SGCD: variants seen among roughly 807,000 people sequenced by gnomAD.
SGCD encodes the protein sarcoglycan delta, also known as delta-sarcoglycan.
Under a neutral mutation model 36.6 loss-of-function variants are expected in SGCD, and 18 were observed. That is an observed-to-expected ratio of 0.49 (90% CI 0.34 to 0.73). The LOEUF (loss-of-function observed/expected upper bound fraction) is 0.73. SGCD is among the 30% of genes least tolerant of loss of function. The probability of loss-of-function intolerance (pLI) is 0.01; values close to 1 mark genes in which losing one functional copy is unlikely to be tolerated. For synonymous variants in SGCD, 133 were observed against 130.6 expected (o/e 1.02, Z -0.12); for missense variants, 387 against 346.7 (o/e 1.12, Z -0.92).
chr5:156,239,836 T>C (rs1421301344), intron 3 of SGCD, among the ~76,000 whole-genome samples: 5 of 152,210 alleles, frequency 3.3e-5, no homozygotes, highest in Admixed American at 2.6e-4. Flanking sequence ...ACAAAATGTT[T>C]TGGACCTATA....
chr5:155,808,753 A>G, the SGCD span, among the ~76,000 whole-genome samples: 1 of 152,248 alleles, frequency 6.6e-6, no homozygotes, highest in African/African-American at 2.4e-5. Context: ...GTAGTGTTTA[A>G]AACAATGATG....
At chr5:155,815,688 A>G in the SGCD span, among the ~76,000 whole-genome samples, 1 of 152,124 alleles carries the variant, frequency 6.6e-6, no homozygotes, top group Non-Finnish European at 1.5e-5. Flanking sequence ...AGAGCAGGGG[A>G]AGGTGCCACA....
intron 3 of SGCD, among the ~76,000 whole-genome samples, chr5:156,164,321 A>G (rs767156750): frequency 6.8e-6 from 1 of 147,978 alleles, no homozygotes; most frequent in Non-Finnish European, 1.5e-5. Flanking sequence ...AAATTCTATC[A>G]ATTGATGGAC....
At chr5:155,873,948 T>C (rs1329739279) in intron 1 of SGCD, among the ~76,000 whole-genome samples, 1 of 152,170 alleles carries the variant, frequency 6.6e-6, no homozygotes, top group African/African-American at 2.4e-5. Flanking sequence ...TCAGCCAGGA[T>C]CAATTTTTAT....
the SGCD span, among the ~76,000 whole-genome samples, chr5:155,736,046 C>T: frequency 3.9e-5 from 6 of 152,294 alleles, no homozygotes; most frequent in South Asian, 2.1e-4. Flanking sequence ...CTTTCTACCC[C>T]TGGGATGCTT....
chr5:155,856,740 G>A, the SGCD span, among the ~76,000 whole-genome samples: 4 of 152,070 alleles, frequency 2.6e-5, no homozygotes, highest in African/African-American at 7.2e-5. Flanking sequence ...AAATAAGGAC[G>A]TAAAAGCATG....
chr5:156,595,200 C>T (rs1760879516), intron 6 of SGCD, 149 bp downstream of exon 6: 2 of 924,136 alleles, frequency 2.2e-6, no homozygotes, highest in African/African-American at 1.7e-5. Context: ...GAGGTGGAGC[C>T]TTGAGGGGTA....
intron 1 of SGCD, among the ~76,000 whole-genome samples, chr5:156,048,869 T>C (rs995905604): frequency 6.6e-6 from 1 of 152,120 alleles, no homozygotes; most frequent in African/African-American, 2.4e-5. Context: ...TTGCCATTGT[T>C]TTTGGTGTTT....
intron 3 of SGCD, among the ~76,000 whole-genome samples, chr5:156,434,646 A>C (rs1405163183): frequency 2.0e-5 from 3 of 152,312 alleles, no homozygotes; most frequent in African/African-American, 7.2e-5. Flanking sequence ...TTGGCCTGTC[A>C]CTGGGAATGT....
intron 7 of SGCD, among the ~76,000 whole-genome samples, chr5:156,745,948 G>A (rs1236885790): frequency 1.3e-5 from 2 of 151,048 alleles, no homozygotes; most frequent in African/African-American, 4.9e-5. Context: ...ACTAGGGCAA[G>A]AACAGTTTTC....
chr5:156,751,318 T>C (rs1324597270), intron 7 of SGCD, among the ~76,000 whole-genome samples: 1 of 152,150 alleles, frequency 6.6e-6, no homozygotes, highest in African/African-American at 2.4e-5. Context: ...CAAAAATTAA[T>C]ACCTGATGAA....
At chr5:156,518,479 C>G (rs915247442) in intron 4 of SGCD, among the ~76,000 whole-genome samples, 3 of 152,160 alleles carry the variant, frequency 2.0e-5, no homozygotes, top group Non-Finnish European at 2.9e-5. Context: ...AGCTCTGGAT[C>G]AAGTGGGCCT....
intron 7 of SGCD, among the ~76,000 whole-genome samples, chr5:156,720,950 G>C (rs192625416): frequency 1.0e-3 from 154 of 152,264 alleles, no homozygotes; most frequent in African/African-American, 3.6e-3. Context: ...TAGACATTTC[G>C]AAAAGTGCTT....
At chr5:156,225,690 T>C (rs1764836640) in intron 3 of SGCD, among the ~76,000 whole-genome samples, 1 of 152,206 alleles carries the variant, frequency 6.6e-6, no homozygotes, top group East Asian at 1.9e-4. Context: ...ATCAATAGTA[T>C]CCTTAAAATA....
chr5:156,004,670 T>C (rs892113575), intron 1 of SGCD, among the ~76,000 whole-genome samples: 5 of 152,208 alleles, frequency 3.3e-5, no homozygotes, highest in South Asian at 2.1e-4. Flanking sequence ...TTAAGCAAAG[T>C]TTGGCGCTGG....
At chr5:155,892,904 A>G (rs961296729) in intron 1 of SGCD, among the ~76,000 whole-genome samples, 3 of 152,216 alleles carry the variant, frequency 2.0e-5, no homozygotes, top group African/African-American at 4.8e-5. Flanking sequence ...AATCTAAAAG[A>G]GTTAATCTTA....
At chr5:155,830,512 C>G in the SGCD span, among the ~76,000 whole-genome samples, 4 of 152,154 alleles carry the variant, frequency 2.6e-5, no homozygotes, top group African/African-American at 9.7e-5. Flanking sequence ...TCCATAACAA[C>G]AGCCAATAAA....
intron 4 of SGCD, 98 bp from the exon 5 acceptor site, chr5:156,589,133 G>A (rs768470791): frequency 8.5e-6 from 7 of 823,582 alleles, no homozygotes; most frequent in Non-Finnish European, 1.4e-5. Flanking sequence ...ATTGGAACTT[G>A]GCTAAAGCCA....
At chr5:155,763,287 C>T in the SGCD span, among the ~76,000 whole-genome samples, 1 of 152,066 alleles carries the variant, frequency 6.6e-6, no homozygotes, top group South Asian at 2.1e-4. Flanking sequence ...TCTTAGAGGG[C>T]ATATTATCTG....
Sources: allele counts gnomAD v4.1 joint callset (sites outside exome capture counted in the v4.1 genomes callset), GRCh38; gene constraint gnomAD v4.1.1; transcripts MANE v1.5; gene names NCBI Gene and HGNC (gene_info 2026-07-23, HGNC 2026-07-21).